Variants in VIPR2 observed in about 807,000 individuals in gnomAD.
VIPR2 encodes the protein vasoactive intestinal polypeptide receptor 2.
In VIPR2, 48 loss-of-function variants were observed where a neutral mutation model predicts 58.0. The ratio of observed to expected loss-of-function variants is 0.83; its 90% CI spans 0.66 to 1.05. VIPR2 has a LOEUF of 1.05. VIPR2 is among the 50% of genes least tolerant of loss of function. The pLI is 0.00. For missense variants in VIPR2, 534 were observed against 558.0 expected, an observed-to-expected ratio of 0.96 and a Z score of 0.43; for synonymous variants, 243 against 235.2, an observed-to-expected ratio of 1.03 and a Z score of -0.30.
Position 159,103,760 on chromosome 7 carries a change from G to T in VIPR2, c.354C>A (p.Ser118Arg). Residue 118 changes from serine to arginine, a missense_variant, in exon 4 of 13, where the codon AGC (serine) becomes AGA (arginine). By Grantham distance (110) the Ser-to-Arg change is moderately radical. This residue lies in a region of VIPR2 where 224 missense variants were observed against 255.7 expected (regional missense o/e 0.88). Transcript: ENST00000262178. ...GTAGCACCACGCAGGAGCCTACCTTGCTCTCATCCTCCGGGTCGCTGTAGC... is the reference window on the plus strand; with the variant it reads ...GTAGCACCACGCAGGAGCCTACCTTTCTCTCATCCTCCGGGTCGCTGTAGC... ...ACGYSDPEDE[S>R]KITFYILVKA... 6.2e-7 allele frequency: 1 copy of T among 1,613,794 alleles called. No homozygotes were observed. The highest frequency in any genetic ancestry group is 1.1e-5 in the South Asian group (1 of 91,066).
chr7:159,030,919 A>G (rs899456123), intron 12 of VIPR2, 130 bp from the exon 13 acceptor site: 10 of 1,211,802 alleles, frequency 8.3e-6, no homozygotes, highest in Non-Finnish European at 1.1e-5. Context: ...CAGCAGATGG[A>G]CAGAAACAGA....
intron 3 of VIPR2, among the ~76,000 whole-genome samples, chr7:159,109,588 T>G (rs898177160): frequency 6.6e-6 from 1 of 152,212 alleles, no homozygotes; most frequent in Non-Finnish European, 1.5e-5. Flanking sequence ...CCCTGGTTCT[T>G]TCCCTGTAGT....
At chr7:159,082,988 A>G (rs912073961) in intron 4 of VIPR2, among the ~76,000 whole-genome samples, 1 of 152,192 alleles carries the variant, frequency 6.6e-6, no homozygotes, top group Non-Finnish European at 1.5e-5. Context: ...ACGGTGTTAT[A>G]TTTGTTTCAG....
chr7:159,101,478 C>A (rs181592209), intron 4 of VIPR2, among the ~76,000 whole-genome samples: 3 of 132,858 alleles, frequency 2.3e-5, no homozygotes, highest in Non-Finnish European at 4.7e-5. Flanking sequence ...TCACGAGATC[C>A]GACAAGGCCG....
At chr7:159,067,101 T>C (rs1039471795) in intron 4 of VIPR2, among the ~76,000 whole-genome samples, 3 of 152,224 alleles carry the variant, frequency 2.0e-5, no homozygotes, top group Non-Finnish European at 4.4e-5. Flanking sequence ...CACGGTCACA[T>C]GTGGCCAGTG....
intron 5 of VIPR2, among the ~76,000 whole-genome samples, chr7:159,052,053 CATT>C (rs1855045046): frequency 6.6e-6 from 1 of 152,188 alleles, no homozygotes; most frequent in South Asian, 2.1e-4. Context: ...GCATAATTTA[CATT>C]ATTTTCAAAC....
chr7:159,068,601 G>A (rs1038010340), intron 4 of VIPR2, among the ~76,000 whole-genome samples: 1 of 152,240 alleles, frequency 6.6e-6, no homozygotes, highest in Admixed American at 6.5e-5. Flanking sequence ...AGCCTGCCGG[G>A]GCCAGGACAG....
intron 2 of VIPR2, among the ~76,000 whole-genome samples, chr7:159,122,441 T>C (rs1796489146): frequency 6.6e-6 from 1 of 152,220 alleles, no homozygotes; most frequent in Non-Finnish European, 1.5e-5. Flanking sequence ...ACTGCTCTCT[T>C]GCTTCTGCGG....
At chr7:159,032,785 T>C (rs575243057) in intron 10 of VIPR2, among the ~76,000 whole-genome samples, 4 of 152,184 alleles carry the variant, frequency 2.6e-5, no homozygotes, top group African/African-American at 9.6e-5. Flanking sequence ...CCAAGTTCAA[T>C]TTAACAAACA....
chr7:159,143,822 A>G (rs927508324), intron 1 of VIPR2, among the ~76,000 whole-genome samples: 2 of 152,270 alleles, frequency 1.3e-5, no homozygotes, highest in African/African-American at 4.8e-5. Flanking sequence ...TAACCGTGAT[A>G]AAACCCGTTA....
At chr7:159,120,200 G>A (rs73169264) in intron 2 of VIPR2, among the ~76,000 whole-genome samples, 22,427 of 152,172 alleles carry the variant, frequency 0.15, 1,749 homozygotes, top group Non-Finnish European at 0.16. Context: ...TCTCTGAATG[G>A]GAAAAAAATT....
intron 4 of VIPR2, among the ~76,000 whole-genome samples, chr7:159,068,261 G>T (rs1159219013): frequency 2.0e-5 from 3 of 151,960 alleles, no homozygotes. Context: ...CTTGCCTTTG[G>T]GACTCAAGGC....
In VIPR2 at chr7:159,134,770, G is replaced by A. The variant is rs147671239; in HGVS notation, c.151+7676C>T. 7.2e-3 allele frequency among the ~76,000 whole-genome samples: 1,097 copies of A among 151,632 alleles called. 7 individuals are homozygous for A. Among genetic ancestry groups the A allele is most frequent in the African/African-American group, 0.025 (1,014 of 41,304 alleles). On this transcript the variant is annotated intron_variant, in intron 2 of 12. Coordinates refer to ENST00000262178, the MANE Select transcript of VIPR2 (RefSeq NM_003382.5). ...CCTCCTGGGTTCACGCCATTCTCCC[G>A]CCTCAGCCTCCTGAGTAGCTGGGAC...
At chr7:159,137,971 C>A (rs1158483644) in intron 2 of VIPR2, among the ~76,000 whole-genome samples, 1 of 152,212 alleles carries the variant, frequency 6.6e-6, no homozygotes, top group African/African-American at 2.4e-5. Flanking sequence ...CTGCTCTCTG[C>A]CGTGGATGCC....
intron 3 of VIPR2, among the ~76,000 whole-genome samples, chr7:159,109,110 C>G (rs773618331): frequency 1.3e-5 from 2 of 152,238 alleles, no homozygotes; most frequent in Non-Finnish European, 2.9e-5. Flanking sequence ...CCATAGTGCT[C>G]CAAAGTATTA....
chr7:159,074,569 A>G (rs1312140204), intron 4 of VIPR2, among the ~76,000 whole-genome samples: 3 of 152,208 alleles, frequency 2.0e-5, no homozygotes, highest in Non-Finnish European at 4.4e-5. Context: ...GTAGCCTCCA[A>G]AGCTTGAAAA....
chr7:159,034,486 TG>T, intron 9 of VIPR2, 94 bp downstream of exon 9: 1 of 1,378,936 alleles, frequency 7.3e-7, no homozygotes, highest in Non-Finnish European at 1.0e-6. Context: ...ATGCGTGGAA[TG>T]GGGTCAGTTC....
At position 159,096,946 on chromosome 7, in the gene VIPR2, G is replaced by C. The variant is rs1171059626; in HGVS notation, c.357+6811C>G. 6.4e-6 allele frequency: 10 copies of C among 1,550,658 alleles called. No individual in the cohort carries two copies. Among genetic ancestry groups the C allele is most frequent in the Non-Finnish European group, 8.7e-6 (10 of 1,147,012 alleles). Reference sequence around the variant, plus strand: ...AGCCAATGCCCTCGTGGCTGGCATTGAGCTTGGCACCTGCTGGGCCTGAGG... The same window carrying C: ...AGCCAATGCCCTCGTGGCTGGCATTCAGCTTGGCACCTGCTGGGCCTGAGG... On this transcript the variant is annotated intron_variant, in intron 4 of 12. Transcript: ENST00000262178. This position sits in a 1 kb window ranked among gnomAD's most constrained non-coding sequence, Gnocchi z 5.5.
chr7:159,100,396 T>G (rs1331072969), intron 4 of VIPR2, among the ~76,000 whole-genome samples: 1 of 149,104 alleles, frequency 6.7e-6, no homozygotes, highest in Non-Finnish European at 1.5e-5. Flanking sequence ...TGACAGTGGG[T>G]TCACAGTAAC....
Sources: gnomAD v4.1 joint callset for allele counts (sites outside exome capture counted in the v4.1 genomes callset) on GRCh38, gnomAD v4.1.1 for gene constraint, gnomAD v4.1.1 regional missense constraint, Gnocchi (gnomAD v3.1) non-coding constraint, MANE v1.5 for transcripts, NCBI Gene and HGNC (gene_info 2026-07-23, HGNC 2026-07-21) for gene names.